C2orf49: variants seen among roughly 807,000 people sequenced by gnomAD.
The protein encoded by C2orf49 is tRNA-splicing ligase complex subunit ASW.
A neutral mutation model predicts 20.6 loss-of-function variants in C2orf49; 11 were observed. That is an observed-to-expected ratio of 0.53 (90% CI 0.34 to 0.88). The LOEUF (loss-of-function observed/expected upper bound fraction) is 0.88. Ranked by LOEUF, C2orf49 falls within the 40% of genes least tolerant of loss-of-function variation. The pLI is 0.02. For synonymous variants in C2orf49, 134 were observed against 108.5 expected (o/e 1.24, Z -1.46); for missense variants, 289 against 274.2 (o/e 1.05, Z -0.38).
chr2:105,337,700 GAT>G lies in C2orf49; in HGVS notation c.99+15_99+16del. ...ACTCTGGAGCAGGTTGGGCGCGCCG[GAT>G]CGGAGGGTGGGCGGGTGGGCCTTCC... On this transcript the variant is annotated intron_variant, in intron 1 of 3. Transcript: ENST00000258457. 1.1e-6 allele frequency: 1 copy of G among 909,724 alleles called. No individual in the cohort carries two copies. Among genetic ancestry groups the G allele is most frequent in the Non-Finnish European group, 1.6e-6 (1 of 629,132 alleles). 56.4% of individuals were successfully genotyped at this position (909,724 alleles called of 1,614,324 possible).
intron 2 of C2orf49, 25 bp downstream of exon 2, chr2:105,339,774 C>A (rs1679616637): frequency 1.3e-6 from 2 of 1,542,922 alleles, no homozygotes; most frequent in Non-Finnish European, 1.7e-6. Flanking sequence ...TTCTAGCTTT[C>A]AATTTATCTT....
At chr2:105,337,934 T>C (rs1475898640) in intron 1 of C2orf49, among the ~76,000 whole-genome samples, 1 of 152,074 alleles carries the variant, frequency 6.6e-6, no homozygotes, top group African/African-American at 2.4e-5. Context: ...CCCGATGGCT[T>C]GTAAAGAGGA....
chr2:105,349,767 A>G (rs1679894949), downstream of C2orf49, among the ~76,000 whole-genome samples: 1 of 152,244 alleles, frequency 6.6e-6, no homozygotes, highest in South Asian at 2.1e-4. Flanking sequence ...TATTTTAAAT[A>G]CAGTGGTTAG....
At chr2:105,373,133 C>A in the C2orf49 span, among the ~76,000 whole-genome samples, 11 of 152,274 alleles carry the variant, frequency 7.2e-5, no homozygotes, top group East Asian at 2.1e-3. Flanking sequence ...TCACACCCTA[C>A]GAATGCTCAG....
At chr2:105,372,135 C>A in the C2orf49 span, among the ~76,000 whole-genome samples, 3 of 152,182 alleles carry the variant, frequency 2.0e-5, no homozygotes, top group Admixed American at 6.5e-5. Flanking sequence ...GTTATATTAA[C>A]CAGAGAAATG....
intron 2 of C2orf49, among the ~76,000 whole-genome samples, chr2:105,340,800 A>G (rs1192384512): frequency 2.6e-5 from 4 of 152,128 alleles, no homozygotes; most frequent in African/African-American, 7.2e-5. Flanking sequence ...AGTGGATACT[A>G]TTGATCAATT....
At chr2:105,344,841 C>T (rs773552577) in intron 3 of C2orf49, among the ~76,000 whole-genome samples, 1 of 151,966 alleles carries the variant, frequency 6.6e-6, no homozygotes, top group African/African-American at 2.4e-5. Context: ...CCACCTGACT[C>T]GGCTGGGATT....
At chr2:105,345,034 C>T (rs1334765997) in intron 3 of C2orf49, among the ~76,000 whole-genome samples, 4 of 152,138 alleles carry the variant, frequency 2.6e-5, no homozygotes, top group Admixed American at 2.6e-4. Context: ...AAGTCAGAGC[C>T]TTATCCCCCT....
chr2:105,338,548 G>A (rs1003433538), intron 1 of C2orf49, among the ~76,000 whole-genome samples: 5 of 152,042 alleles, frequency 3.3e-5, no homozygotes, highest in African/African-American at 1.2e-4. Flanking sequence ...CATTTTTAAC[G>A]AGCTTGTTGC....
the C2orf49 span, among the ~76,000 whole-genome samples, chr2:105,371,546 A>ATCTCTCTCAATCTCTC: frequency 7.1e-6 from 1 of 140,970 alleles, no homozygotes; most frequent in Non-Finnish European, 1.5e-5. Context: ...ATCCCTTGAA[A>ATCTCTCTCAATCTCTC]TCTCTCTCTC....
chr2:105,374,236 C>G, the C2orf49 span: 1 of 181,746 alleles, frequency 5.5e-6, no homozygotes, highest in Non-Finnish European at 1.2e-5. Context: ...TCAGGAGAGA[C>G]TGTGTGTGTG....
Position 105,345,630 on chromosome 2 carries a change from A to C in C2orf49, c.*259A>C, listed in dbSNP as rs1221035538. The C allele has an allele frequency of 2.2e-6, 1 of 444,606 alleles. No individual in the cohort carries two copies. Among genetic ancestry groups the C allele is most frequent in the Non-Finnish European group, 4.0e-6 (1 of 250,490 alleles). 27.5% of individuals were successfully genotyped at this position (444,606 alleles called of 1,614,324 possible). On this transcript the variant is annotated 3_prime_UTR_variant, in exon 4 of 4. Transcript: ENST00000258457. ...GGCTTAGTATATGTCATTTATATTGACCCTACTGAAATTATTAGCTACAAA... is the reference window on the plus strand; with the variant it reads ...GGCTTAGTATATGTCATTTATATTGCCCCTACTGAAATTATTAGCTACAAA...
chr2:105,377,102 C>T, the C2orf49 span, among the ~76,000 whole-genome samples: 1 of 152,076 alleles, frequency 6.6e-6, no homozygotes, highest in African/African-American at 2.4e-5. Context: ...CAGACCTTGG[C>T]GATGATCTTG....
At chr2:105,350,947 C>T (rs538140480), downstream of C2orf49, among the ~76,000 whole-genome samples, 5 of 152,212 alleles carry the variant, frequency 3.3e-5, no homozygotes, top group East Asian at 9.6e-4. Flanking sequence ...GTTCCAGGAT[C>T]CTACCCAGGG....
chr2:105,363,009 G>GTCA, the C2orf49 span: 1 of 401,726 alleles, frequency 2.5e-6, no homozygotes, highest in African/African-American at 2.0e-5. Flanking sequence ...CTCACAGACT[G>GTCA]CAGTTTTAGC....
At chr2:105,344,173 G>A (rs989164438) in intron 3 of C2orf49, among the ~76,000 whole-genome samples, 1 of 152,102 alleles carries the variant, frequency 6.6e-6, no homozygotes, top group African/African-American at 2.4e-5. Context: ...AGTTTGTCCA[G>A]AATTCCAGAG....
intron 2 of C2orf49, among the ~76,000 whole-genome samples, chr2:105,341,464 A>G (rs754965952): frequency 6.6e-6 from 1 of 152,230 alleles, no homozygotes; most frequent in Non-Finnish European, 1.5e-5. Flanking sequence ...TAACATGCCC[A>G]AGGTCACACA....
chr2:105,356,101 AGAC>A, the C2orf49 span, among the ~76,000 whole-genome samples: 1 of 152,096 alleles, frequency 6.6e-6, no homozygotes, highest in African/African-American at 2.4e-5. Flanking sequence ...TTTTAAAAAT[AGAC>A]ATCAGCCAGG....
the C2orf49 span, among the ~76,000 whole-genome samples, chr2:105,381,090 C>A: frequency 6.6e-6 from 1 of 152,194 alleles, no homozygotes; most frequent in South Asian, 2.1e-4. Context: ...CAGACTGAAA[C>A]GTCTGGCTCT....
Sources: gnomAD v4.1 joint callset for allele counts (sites outside exome capture counted in the v4.1 genomes callset) on GRCh38, gnomAD v4.1.1 for gene constraint, MANE v1.5 for transcripts, NCBI Gene and HGNC (gene_info 2026-07-23, HGNC 2026-07-21) for gene names.